Variants in FHIT observed in about 807,000 individuals in gnomAD.
The protein encoded by FHIT is bis(5'-adenosyl)-triphosphatase.
A neutral mutation model predicts 17.9 loss-of-function variants in FHIT; 19 were observed. That is an observed-to-expected ratio of 1.06 (90% CI 0.74 to 1.56). The LOEUF (loss-of-function observed/expected upper bound fraction) is 1.56, where lower values mean the gene tolerates loss of function less well. Among genes scored for constraint, FHIT ranks in the 40% most tolerant of loss-of-function variants. The pLI is 0.00. For synonymous variants in FHIT, 81 were observed against 69.7 expected (o/e 1.16, Z -0.81); for missense variants, 248 against 189.2 (o/e 1.31, Z -1.82).
At chr3:59,782,648 A>G (rs1702645792) in intron 8 of FHIT, among the ~76,000 whole-genome samples, 7 of 152,258 alleles carry the variant, frequency 4.6e-5, no homozygotes, top group South Asian at 4.2e-4. Context: ...CGTCCATTCT[A>G]TTTCTTATTG....
intron 3 of FHIT, among the ~76,000 whole-genome samples, chr3:61,023,463 T>C (rs1313047861): frequency 6.6e-6 from 1 of 152,200 alleles, no homozygotes; most frequent in African/African-American, 2.4e-5. Context: ...AAGCTACCAT[T>C]GACTTTATTC....
chr3:60,340,664 T>G lies in FHIT; in HGVS notation c.103+196196A>C, dbSNP rs190224063. ...TTATTGAGAATATACAGTTGACCCTTGAACAACACAGGTTTTAACTGTGAG... is the reference window on the plus strand; with the variant it reads ...TTATTGAGAATATACAGTTGACCCTGGAACAACACAGGTTTTAACTGTGAG... On this transcript the variant is annotated intron_variant, in intron 5 of 9. Coordinates refer to ENST00000492590, the MANE Select transcript of FHIT (RefSeq NM_002012.4). Among the ~76,000 whole-genome samples the G allele has an allele frequency of 3.1e-3, 466 of 152,340 alleles. 1 individual carries two copies. Among genetic ancestry groups the G allele is most frequent in the South Asian group, 0.022 (107 of 4,828 alleles).
intron 3 of FHIT, among the ~76,000 whole-genome samples, chr3:60,996,665 T>C (rs2030698464): frequency 6.6e-6 from 1 of 152,224 alleles, no homozygotes; most frequent in Non-Finnish European, 1.5e-5. Flanking sequence ...ATAATCAACA[T>C]TAACCAAAGG....
rs532939403 is a variant in FHIT, at chr3:60,030,291, C to CA, written c.104-16140dup. On this transcript the variant is annotated intron_variant, in intron 5 of 9. Transcript: ENST00000492590. Reference sequence around the variant, plus strand: ...TCCTGCCAAAATCCTTATTTTGACACAAAAAACAGAATGCAGCTATAGCTG... The same window carrying CA: ...TCCTGCCAAAATCCTTATTTTGACACAAAAAAACAGAATGCAGCTATAGCTG... Among the ~76,000 whole-genome samples, 94 of 152,228 alleles carry CA rather than the reference C, an allele frequency of 6.2e-4. 1 individual carries two copies. The South Asian group carries it at 0.017, about 27-fold the overall frequency.
At chr3:59,865,001 A>G (rs1365845675) in intron 8 of FHIT, among the ~76,000 whole-genome samples, 2 of 152,318 alleles carry the variant, frequency 1.3e-5, no homozygotes, top group East Asian at 3.9e-4. Context: ...ACTGCTAATT[A>G]ATGATCCACA....
intron 3 of FHIT, among the ~76,000 whole-genome samples, chr3:60,904,622 A>T (rs1706301160): frequency 6.6e-6 from 1 of 152,276 alleles, no homozygotes; most frequent in Admixed American, 6.5e-5. Context: ...ATCACAGATT[A>T]AGCTCCAATC....
intron 4 of FHIT, among the ~76,000 whole-genome samples, chr3:60,580,973 T>C: frequency 6.6e-6 from 1 of 152,048 alleles, no homozygotes; most frequent in East Asian, 1.9e-4. Flanking sequence ...ATGCAGATTC[T>C]GATTAAGTCT....
intron 5 of FHIT, among the ~76,000 whole-genome samples, chr3:60,171,101 A>T (rs181232435): frequency 1.1e-4 from 17 of 152,338 alleles, no homozygotes; most frequent in Admixed American, 1.0e-3. Context: ...ACCACAAGAA[A>T]GTCAAAATAT....
chr3:59,802,626 G>C (rs111497512), intron 8 of FHIT, among the ~76,000 whole-genome samples: 11,336 of 151,636 alleles, frequency 0.075, 983 homozygotes, highest in African/African-American at 0.21. Flanking sequence ...CACCCCATCT[G>C]CCTTCCTTGA....
intron 5 of FHIT, among the ~76,000 whole-genome samples, chr3:60,529,327 T>C (rs1255367461): frequency 6.6e-6 from 1 of 152,158 alleles, no homozygotes. Flanking sequence ...ATAAGACTAT[T>C]AGGAGAGGAA....
intron 4 of FHIT, among the ~76,000 whole-genome samples, chr3:60,570,706 G>A (rs1293820472): frequency 7.2e-6 from 1 of 138,488 alleles, no homozygotes; most frequent in Non-Finnish European, 1.5e-5. Context: ...GTTCTTTGAA[G>A]GCAGAAACAA....
rs562723032 is a variant in FHIT at position 61,219,296 on chromosome 3, T to C, written c.-212-18631A>G. ...AAACTAATACAAGCAGATTCTATCA[T>C]CTTTGTGTACATCTTTGTGTAAATC... On this transcript the variant is annotated intron_variant, in intron 1 of 9. Transcript: ENST00000492590. Among the ~76,000 whole-genome samples, 28 of 151,720 alleles carry C rather than the reference T, an allele frequency of 1.8e-4. 1 individual carries two copies. The highest frequency in any genetic ancestry group is 5.8e-4 in the African/African-American group (24 of 41,388).
At chr3:60,253,242 T>C (rs886564717) in intron 5 of FHIT, among the ~76,000 whole-genome samples, 1 of 152,204 alleles carries the variant, frequency 6.6e-6, no homozygotes, top group Non-Finnish European at 1.5e-5. Context: ...CTATCATTAG[T>C]ATATCACCAA....
chr3:60,639,381 C>G lies in FHIT; in HGVS notation c.-17-102402G>C, dbSNP rs570168109. Reference sequence around the variant, plus strand: ...CTAAACTGCAAACATATGAAGAGACCAATTAACTAAGCAAAAATCAATGCT... The same window carrying G: ...CTAAACTGCAAACATATGAAGAGACGAATTAACTAAGCAAAAATCAATGCT... On this transcript the variant is annotated intron_variant, in intron 4 of 9. Transcript: ENST00000492590. Among the ~76,000 whole-genome samples the G allele has an allele frequency of 3.3e-5, 5 of 152,032 alleles. No homozygotes were observed. The South Asian group carries it at 1.0e-3, about 32-fold the overall frequency.
chr3:60,377,464 CTTTTTTTTTTTTTTT>C (rs1196507429), intron 5 of FHIT, among the ~76,000 whole-genome samples: 1 of 49,688 alleles, frequency 2.0e-5, no homozygotes, highest in Non-Finnish European at 3.5e-5. Context: ...GCCAAGAATT[CTTTTTTTTTTTTTTT>C]TTTTTTTTTT....
At chr3:60,499,560 A>G (rs57311618) in intron 5 of FHIT, among the ~76,000 whole-genome samples, 31,285 of 151,778 alleles carry the variant, frequency 0.21, 4,659 homozygotes, top group African/African-American at 0.42. Context: ...CCCGGCTAAT[A>G]TTTTGTATCT....
At chr3:60,346,275 G>C (rs1406264394) in intron 5 of FHIT, among the ~76,000 whole-genome samples, 1 of 152,194 alleles carries the variant, frequency 6.6e-6, no homozygotes, top group Non-Finnish European at 1.5e-5. Flanking sequence ...CTACCTATAA[G>C]AGTAGTGGAA....
chr3:60,132,944 G>A (rs1699655131), intron 5 of FHIT, among the ~76,000 whole-genome samples: 2 of 152,124 alleles, frequency 1.3e-5, no homozygotes, highest in South Asian at 2.1e-4. Flanking sequence ...GATTACTGAA[G>A]ACAAATGACA....
chr3:59,929,363 G>GTTTTTTTTTTTTTTTTT (rs869243844), intron 7 of FHIT, among the ~76,000 whole-genome samples: 1 of 67,052 alleles, frequency 1.5e-5, no homozygotes, highest in Non-Finnish European at 2.7e-5. Context: ...TGTTTTTTTG[G>GTTTTTTTTTTTTTTTTT]TTTTTTTTTT....
Sources: allele counts gnomAD v4.1 joint callset (sites outside exome capture counted in the v4.1 genomes callset), GRCh38; gene constraint gnomAD v4.1.1; transcripts MANE v1.5; gene names NCBI Gene and HGNC (gene_info 2026-07-23, HGNC 2026-07-21).